The following TRIT1 variants were observed in gnomAD, a reference collection of about 807,000 sequenced individuals.
TRIT1 encodes the protein tRNA dimethylallyltransferase.
A neutral mutation model predicts 51.2 loss-of-function variants in TRIT1; 43 were observed. The ratio of observed to expected loss-of-function variants is 0.84; its 90% CI spans 0.66 to 1.08. The LOEUF (loss-of-function observed/expected upper bound fraction) is 1.08. TRIT1 is among the 50% of genes least tolerant of loss of function. The pLI, the probability that TRIT1 is intolerant of heterozygous loss-of-function variation, is 0.00. For missense variants in TRIT1, 528 were observed against 578.4 expected (o/e 0.91, Z 0.89); for synonymous variants, 184 against 203.9 (o/e 0.90, Z 0.83).
intron 1 of TRIT1, among the ~76,000 whole-genome samples, chr1:39,877,019 C>CAAAA (rs529375001): frequency 5.4e-5 from 4 of 74,614 alleles, no homozygotes; most frequent in East Asian, 4.7e-4. Context: ...AATGGGTCTT[C>CAAAA]AAAAAAAAAA....
intron 1 of TRIT1, chr1:39,881,461 C>T (rs1644264238): frequency 6.6e-6 from 1 of 152,166 alleles, no homozygotes; most frequent in Admixed American, 6.5e-5. Flanking sequence ...GCTCATCTCA[C>T]ATTCCATATC....
At chr1:39,879,418 C>G (rs897689631) in intron 1 of TRIT1, among the ~76,000 whole-genome samples, 1 of 151,970 alleles carries the variant, frequency 6.6e-6, no homozygotes, top group Non-Finnish European at 1.5e-5. Context: ...TATTCTAAGA[C>G]CTTAGGCCTA....
At chr1:39,855,889 T>C (rs915567138) in intron 2 of TRIT1, among the ~76,000 whole-genome samples, 9 of 152,284 alleles carry the variant, frequency 5.9e-5, no homozygotes, top group Non-Finnish European at 7.4e-5. Flanking sequence ...TCAAGAAGGC[T>C]GATTGGGGCC....
At chr1:39,853,344 G>T (rs1219822867) in intron 3 of TRIT1, among the ~76,000 whole-genome samples, 7 of 151,646 alleles carry the variant, frequency 4.6e-5, no homozygotes, top group African/African-American at 9.7e-5. Context: ...AACGTACTGG[G>T]TTTTTTTTAA....
At chr1:39,845,293 A>G (rs1642161382) in intron 8 of TRIT1, among the ~76,000 whole-genome samples, 1 of 152,252 alleles carries the variant, frequency 6.6e-6, no homozygotes, top group South Asian at 2.1e-4. Context: ...GACTGAAGGT[A>G]GCAAAGAGTG....
At chr1:39,856,861 A>G (rs1349418306) in intron 2 of TRIT1, among the ~76,000 whole-genome samples, 1 of 152,224 alleles carries the variant, frequency 6.6e-6, no homozygotes, top group African/African-American at 2.4e-5. Context: ...GAAATGCTTT[A>G]CCCAGTAAAA....
chr1:39,877,019 CAAAAAAAAAAA>C (rs529375001), intron 1 of TRIT1, among the ~76,000 whole-genome samples: 2 of 74,602 alleles, frequency 2.7e-5, no homozygotes, highest in African/African-American at 5.4e-5. Context: ...AATGGGTCTT[CAAAAAAAAAAA>C]AAAAAAAAAA....
chr1:39,879,441 T>C (rs1644172932), intron 1 of TRIT1, among the ~76,000 whole-genome samples: 5 of 152,012 alleles, frequency 3.3e-5, no homozygotes, highest in Admixed American at 3.3e-4. Context: ...TTCTTAACTG[T>C]GAAGTGATAA....
intron 1 of TRIT1, among the ~76,000 whole-genome samples, chr1:39,870,755 G>T (rs1251166428): frequency 6.6e-6 from 1 of 152,122 alleles, no homozygotes; most frequent in African/African-American, 2.4e-5. Context: ...CTCCTGTAAA[G>T]TTAAACCATA....
chr1:39,859,113 G>A (rs983480261), intron 1 of TRIT1, among the ~76,000 whole-genome samples: 1 of 151,804 alleles, frequency 6.6e-6, no homozygotes, highest in Admixed American at 6.6e-5. Flanking sequence ...AATTAGCTGG[G>A]TGTCGTGGCG....
chr1:39,849,465 G>A lies in TRIT1; in HGVS notation c.703+654C>T, dbSNP rs551164462. Among the ~76,000 whole-genome samples, 27 of 152,008 alleles carry A rather than the reference G, an allele frequency of 1.8e-4. No individual in the cohort carries two copies. In the South Asian group the frequency reaches 1.9e-3, roughly 11 times the overall value. Reference sequence around the variant, plus strand: ...TCTGACTCCCCCCAAGATAATATTCGTCATCCCTTCTCTGTGGCCCTACAG... The same window carrying A: ...TCTGACTCCCCCCAAGATAATATTCATCATCCCTTCTCTGTGGCCCTACAG... On this transcript the variant is annotated intron_variant, in intron 5 of 10. Coordinates refer to ENST00000316891, the MANE Select transcript of TRIT1 (RefSeq NM_017646.6).
rs1309392562 is a variant in TRIT1 at position 39,838,967 on chromosome 1, T to C, written c.*2777A>G. 6.6e-6 allele frequency among the ~76,000 whole-genome samples: 1 copy of C among 152,208 alleles called. No homozygotes were observed. Among genetic ancestry groups the C allele is most frequent in the Non-Finnish European group, 1.5e-5 (1 of 68,022 alleles). ...CTGTTCTCTTGCTTAGCCCTAAGAATCAAGCAAAGTATTTTCAAGTCTAGA... is the reference window on the plus strand; with the variant it reads ...CTGTTCTCTTGCTTAGCCCTAAGAACCAAGCAAAGTATTTTCAAGTCTAGA... On this transcript the variant is annotated 3_prime_UTR_variant, in exon 11 of 11. Coordinates refer to ENST00000316891, the MANE Select transcript of TRIT1 (RefSeq NM_017646.6).
rs972537843 is a variant in TRIT1 at position 39,883,444 on chromosome 1, G to A, written c.48C>T (p.Leu16=). ...GAGGTAGGGTCCGTTGCAGGCCCCTGAGCCCACTGCCCACGGGAACTGCTC... is the reference window on the plus strand; with the variant it reads ...GAGGTAGGGTCCGTTGCAGGCCCCTAAGCCCACTGCCCACGGGAACTGCTC... The part of the protein sequence containing the change: ...AARAVPVGSG[L]RGLQRTLPLV... The change falls in exon 1 of 11, where the codon CTC becomes CTT. Residue 16 remains leucine, a synonymous_variant. Coordinates refer to ENST00000316891, the MANE Select transcript of TRIT1 (RefSeq NM_017646.6). 6.2e-7 allele frequency: 1 copy of A among 1,610,932 alleles called. No individual in the cohort carries two copies. Among genetic ancestry groups the A allele is most frequent in the Non-Finnish European group, 8.5e-7 (1 of 1,177,546 alleles).
intron 2 of TRIT1, 130 bp downstream of exon 2, chr1:39,857,147 G>A (rs1642947475): frequency 9.9e-7 from 1 of 1,007,932 alleles, no homozygotes; most frequent in Non-Finnish European, 1.4e-6. Flanking sequence ...GTCTGATGGG[G>A]ATGGCATCCA....
chr1:39,883,427 G>C lies in TRIT1; in HGVS notation c.65C>G (p.Thr22Ser), dbSNP rs192151286. 1 of 1,613,624 alleles carries C rather than the reference G, an allele frequency of 6.2e-7. No homozygotes were observed. The highest frequency in any genetic ancestry group is 2.2e-5 in the East Asian group (1 of 44,876). Residue 22 changes from threonine to serine, a missense_variant, in exon 1 of 11, where the codon ACC becomes AGC. This residue lies in a region of TRIT1 where 55 missense variants were observed against 37.0 expected (regional missense o/e 1.49). Transcript: ENST00000316891. The part of the protein sequence containing the change: ...VGSGLRGLQR[T>S]LPLVVILGAT... ...CCCGAGAATCACTACAAGAGGTAGG[G>C]TCCGTTGCAGGCCCCTGAGCCCACT...
chr1:39,856,390 G>C (rs1642899290), intron 2 of TRIT1, among the ~76,000 whole-genome samples: 1 of 151,592 alleles, frequency 6.6e-6, no homozygotes, highest in Non-Finnish European at 1.5e-5. Flanking sequence ...ACGCTGAGGT[G>C]GGAGGATCAC....
In TRIT1 at chr1:39,850,139, C is replaced by T. The variant is rs1234194882; in HGVS notation, c.683G>A (p.Trp228Ter). Residue 228 changes from tryptophan (W) to a stop codon, truncating the protein, a stop_gained, in exon 5 of 11, where the codon TGG (tryptophan) becomes TAG (stop). Coordinates refer to ENST00000316891, the MANE Select transcript of TRIT1 (RefSeq NM_017646.6). LOFTEE classifies it high-confidence loss of function. ...GTTACCTGCCTGGTCAGCATGAAGC[C>T]AAAGGATGCAAGGGTTAGAGAACTT... is the stretch of plus-strand genomic sequence containing the variant. ...PLKFSNPCIL[W>*]LHADQAVLDE... 6.2e-7 allele frequency: 1 copy of T among 1,614,096 alleles called. No homozygotes were observed. The highest frequency in any genetic ancestry group is 1.1e-5 in the South Asian group (1 of 91,080).
chr1:39,849,876 C>T (rs559629298), intron 5 of TRIT1, among the ~76,000 whole-genome samples: 19 of 152,324 alleles, frequency 1.2e-4, no homozygotes, highest in African/African-American at 4.3e-4. Context: ...TCCATCCCAT[C>T]CCACTCTACC....
At chr1:39,852,702 T>C (rs758221581) in intron 4 of TRIT1, 29 bp downstream of exon 4, 4 of 1,607,152 alleles carry the variant, frequency 2.5e-6, no homozygotes, top group South Asian at 1.1e-5. Context: ...TGTAAAGGAA[T>C]TTGGGGTCAG....
Sources: allele counts gnomAD v4.1 joint callset (sites outside exome capture counted in the v4.1 genomes callset), GRCh38; gene constraint gnomAD v4.1.1; regional missense constraint gnomAD v4.1.1; transcripts MANE v1.5; gene names NCBI Gene and HGNC (gene_info 2026-07-23, HGNC 2026-07-21).